EDIL3: variants seen among roughly 807,000 people sequenced by gnomAD.
EDIL3 encodes the protein EGF-like repeat and discoidin I-like domain-containing protein 3.
EDIL3 carries 37 observed loss-of-function variants against 67.4 expected under a neutral mutation model. That is an observed-to-expected ratio of 0.55 (90% CI 0.42 to 0.72). EDIL3 has a LOEUF of 0.72. Among genes scored for constraint, EDIL3 ranks in the 30% least tolerant of loss-of-function variants. The probability of loss-of-function intolerance (pLI) is 0.00; values close to 1 mark genes in which losing one functional copy is unlikely to be tolerated. For synonymous variants in EDIL3, 195 were observed against 196.3 expected, an observed-to-expected ratio of 0.99 and a Z score of 0.05; for missense variants, 527 against 586.3, an observed-to-expected ratio of 0.90 and a Z score of 1.04.
At chr5:84,272,759 A>G (rs16901025) in intron 1 of EDIL3, among the ~76,000 whole-genome samples, 11,511 of 152,216 alleles carry the variant, frequency 0.076, 581 homozygotes, top group South Asian at 0.2. Flanking sequence ...ACAGCTGGAG[A>G]GAAGTTGTAA....
At chr5:84,289,593 G>A (rs1001631769) in intron 1 of EDIL3, among the ~76,000 whole-genome samples, 4 of 152,072 alleles carry the variant, frequency 2.6e-5, no homozygotes, top group Non-Finnish European at 4.4e-5. Context: ...AACACCCAGA[G>A]CCCCTTGGTT....
chr5:84,162,132 G>A (rs182941881), intron 4 of EDIL3, among the ~76,000 whole-genome samples: 1 of 152,062 alleles, frequency 6.6e-6, no homozygotes, highest in Non-Finnish European at 1.5e-5. Flanking sequence ...GGCTCACATG[G>A]GGCCTAGAAG....
chr5:83,976,969 C>T (rs1744886994), intron 9 of EDIL3, among the ~76,000 whole-genome samples: 1 of 151,586 alleles, frequency 6.6e-6, no homozygotes, highest in African/African-American at 2.4e-5. Context: ...GCATAAATGA[C>T]AATATATTTA....
Position 84,106,724 on chromosome 5 carries a change from G to A in EDIL3, c.576C>T (p.Tyr192=), listed in dbSNP as rs769452941. ...GCCCCTTCTTATTAAGACGTGCATA[G>A]TAGGGATACCATTTTTGGAGTCCAA... is the stretch of plus-strand genomic sequence containing the variant. The part of the protein sequence containing the change: ...ALFGLQKWYP[Y]YARLNKKGLI... Residue 192 remains tyrosine, a synonymous_variant, in exon 6 of 11, where the codon TAC becomes TAT. Transcript: ENST00000296591. 10 of 1,613,338 alleles carry A rather than the reference G, an allele frequency of 6.2e-6. No homozygotes were observed. In the South Asian group the frequency reaches 9.9e-5, roughly 16 times the overall value.
In EDIL3 at chr5:84,187,329, C is replaced by T. The variant is rs76683852; in HGVS notation, c.227-6808G>A. On this transcript the variant is annotated intron_variant, in intron 3 of 10. Transcript: ENST00000296591. ...CCAATAGTAGAGTTAGAGTTATTTC[C>T]ATATGTGTAATATGATTAGCTGCTT... Among the ~76,000 whole-genome samples, 89 of 152,102 alleles carry T rather than the reference C, an allele frequency of 5.9e-4. No homozygotes were observed. The East Asian group carries it at 0.016, about 28-fold the overall frequency.
intron 1 of EDIL3, among the ~76,000 whole-genome samples, chr5:84,288,997 C>G (rs1580056873): frequency 6.6e-6 from 1 of 152,144 alleles, no homozygotes; most frequent in African/African-American, 2.4e-5. Flanking sequence ...TAGTGTGGAG[C>G]TAAGAAACGC....
At chr5:84,384,176 C>G in intron 1 of EDIL3, 132 bp downstream of exon 1, 1 of 1,131,386 alleles carries the variant, frequency 8.8e-7, no homozygotes, top group Non-Finnish European at 1.3e-6. Flanking sequence ...GGACTCGACG[C>G]CTCCTCCGCG....
chr5:84,206,619 T>G (rs1402354907), intron 3 of EDIL3, among the ~76,000 whole-genome samples: 2 of 152,098 alleles, frequency 1.3e-5, no homozygotes, highest in Admixed American at 6.5e-5. Flanking sequence ...ACCAATATCC[T>G]TGATGAACAT....
chr5:84,066,139 T>C (rs1463642252), intron 7 of EDIL3, among the ~76,000 whole-genome samples: 1 of 148,554 alleles, frequency 6.7e-6, no homozygotes, highest in Non-Finnish European at 1.5e-5. Context: ...AAAAAGTGCG[T>C]TAATCACGAA....
intron 1 of EDIL3, among the ~76,000 whole-genome samples, chr5:84,272,841 T>G (rs1459997894): frequency 6.6e-6 from 1 of 152,174 alleles, no homozygotes; most frequent in Non-Finnish European, 1.5e-5. Flanking sequence ...AAGATGGAAG[T>G]ATGAATTATT....
chr5:84,280,633 A>G (rs567015153), intron 1 of EDIL3, among the ~76,000 whole-genome samples: 67 of 152,274 alleles, frequency 4.4e-4, no homozygotes, highest in African/African-American at 1.5e-3. Context: ...CTGAAGATCT[A>G]TAATTTGGTG....
intron 9 of EDIL3, among the ~76,000 whole-genome samples, chr5:84,033,725 A>G: frequency 6.6e-6 from 1 of 151,360 alleles, no homozygotes; most frequent in East Asian, 1.9e-4. Flanking sequence ...AAAAAAAAAA[A>G]ATGGAAAAAA....
intron 4 of EDIL3, among the ~76,000 whole-genome samples, chr5:84,145,825 G>T (rs1748282553): frequency 2.1e-3 from 1 of 478 alleles, no homozygotes; most frequent in Admixed American, 0.022. Context: ...AATTTACCTG[G>T]GCACATTTAT....
intron 5 of EDIL3, among the ~76,000 whole-genome samples, chr5:84,121,825 T>C (rs896631902): frequency 6.6e-6 from 1 of 152,062 alleles, no homozygotes. Context: ...ATGTGTATCA[T>C]AGCACTGAGC....
intron 1 of EDIL3, among the ~76,000 whole-genome samples, chr5:84,312,919 T>A (rs1001681442): frequency 2.6e-5 from 4 of 152,198 alleles, no homozygotes; most frequent in African/African-American, 9.7e-5. Context: ...TAATTCAACA[T>A]GATTATCAAA....
intron 9 of EDIL3, among the ~76,000 whole-genome samples, chr5:83,968,411 T>C (rs1341665782): frequency 6.6e-6 from 1 of 152,106 alleles, no homozygotes; most frequent in East Asian, 1.9e-4. Context: ...GCAATTGCTT[T>C]TTTCATGTAA....
intron 6 of EDIL3, chr5:84,078,579 G>A (rs1746906254): frequency 6.6e-6 from 1 of 152,166 alleles, no homozygotes; most frequent in Non-Finnish European, 1.5e-5. Context: ...GAATAGGAAG[G>A]AAGGTGGGAA....
At chr5:84,264,098 T>G (rs936623997) in intron 1 of EDIL3, among the ~76,000 whole-genome samples, 1 of 151,992 alleles carries the variant, frequency 6.6e-6, no homozygotes, top group African/African-American at 2.4e-5. Flanking sequence ...ATGCAAAAAT[T>G]AGCTGGGCAT....
chr5:84,199,284 T>C (rs557949588), intron 3 of EDIL3, among the ~76,000 whole-genome samples: 1 of 152,150 alleles, frequency 6.6e-6, no homozygotes, highest in South Asian at 2.1e-4. Flanking sequence ...TAACTACTTA[T>C]GGATGCAGGA....
Sources: gnomAD v4.1 joint callset for allele counts (sites outside exome capture counted in the v4.1 genomes callset) on GRCh38, gnomAD v4.1.1 for gene constraint, MANE v1.5 for transcripts, NCBI Gene and HGNC (gene_info 2026-07-23, HGNC 2026-07-21) for gene names.